CCDC78: variants seen among roughly 807,000 people sequenced by gnomAD.
The protein encoded by CCDC78 is coiled-coil domain containing 78, also known as coiled-coil domain-containing protein 78.
A neutral mutation model predicts 61.9 loss-of-function variants in CCDC78; 78 were observed. The ratio of observed to expected loss-of-function variants is 1.26; its 90% confidence interval spans 1.05 to 1.52. The LOEUF is 1.52. Among genes scored for constraint, CCDC78 ranks in the 40% most tolerant of loss-of-function variants. CCDC78 has a pLI of 0.00. For missense variants in CCDC78, 737 were observed against 615.5 expected, an observed-to-expected ratio of 1.20 and a Z score of -2.09; for synonymous variants, 287 against 251.9, an observed-to-expected ratio of 1.14 and a Z score of -1.32.
rs376853602 is a variant in CCDC78 at position 726,183 on chromosome 16, G to C, written c.61-98C>G. 38 of 1,550,414 alleles carry C rather than the reference G, an allele frequency of 2.5e-5. 1 individual carries two copies. In the African/African-American group the frequency reaches 3.7e-4, roughly 15 times the overall value. On this transcript the variant is annotated intron_variant, in intron 1 of 13. Coordinates refer to ENST00000345165, the MANE Select transcript of CCDC78 (RefSeq NM_001378030.1). ...CAGTCCCGCCTCCCTGCCTGGCTGA[G>C]CTGTAAAAGTCCCTCTCCTGGCTGA...
rs894597785 is a variant in CCDC78, at chr16:723,033, G to T, written c.1201-11C>A. ...CCGTTCCAGCTCTGCCTGGCATGGGGATGTAAGCCATGAGCTGGGGCATGG... is the reference window on the plus strand; with the variant it reads ...CCGTTCCAGCTCTGCCTGGCATGGGTATGTAAGCCATGAGCTGGGGCATGG... On this transcript the variant is annotated splice_polypyrimidine_tract_variant and intron_variant, in intron 12 of 13. Transcript: ENST00000345165. 3.7e-6 allele frequency: 6 copies of T among 1,612,450 alleles called. 1 individual carries two copies. The highest frequency in any genetic ancestry group is 1.7e-5 in the Admixed American group (1 of 60,006).
In CCDC78 at chr16:722,813, GT is replaced by G. The variant is rs560848393; in HGVS notation, c.1302-25del. 193 of 1,612,084 alleles carry G rather than the reference GT, an allele frequency of 1.2e-4. No individual in the cohort carries two copies. In the African/African-American group the frequency reaches 2.3e-3, roughly 19 times the overall value. On this transcript the variant is annotated intron_variant, in intron 13 of 13. Transcript: ENST00000345165. ...ACCTGCTCAGAGGAACCATGCTTAA[GT>G]GACTTGCCCAGCTGTGGACAGGTCT...
At chr16:725,319 G>A (rs1596628980) in intron 4 of CCDC78, 26 bp from the exon 5 acceptor site, 2 of 1,609,906 alleles carry the variant, frequency 1.2e-6, no homozygotes, top group Non-Finnish European at 1.7e-6. Context: ...GGCAGGGAAA[G>A]CTAAGGGGTG....
Position 726,314 on chromosome 16 carries a change from C to T in CCDC78, c.54G>A (p.Val18=). The change falls in exon 1 of 14, where the codon GTG becomes GTA. Residue 18 remains valine (V), a synonymous_variant. Transcript: ENST00000345165. The part of the protein sequence containing the change: ...GPRPGPPSRR[V]ENVVLRAKDW... ...CAAGTCCCAGAGGACTCACATTCTC[C>T]ACCCGCCGAGAGGGAGGTCCAGGCC... The T allele has an allele frequency of 6.5e-7, 1 of 1,547,990 alleles. No individual in the cohort carries two copies. Among genetic ancestry groups the T allele is most frequent in the Non-Finnish European group, 8.7e-7 (1 of 1,146,704 alleles).
chr16:726,514 C>G, upstream of CCDC78: 1 of 900,658 alleles, frequency 1.1e-6, no homozygotes, highest in Non-Finnish European at 1.6e-6. Context: ...CCACAGGGGC[C>G]GGCCAGACCG....
At position 723,181 on chromosome 16, in the gene CCDC78, G is replaced by A; in HGVS notation, c.1134-20C>T. The A allele has an allele frequency of 6.2e-7, 1 of 1,611,824 alleles. No homozygotes were observed. Among genetic ancestry groups the A allele is most frequent in the Admixed American group, 1.7e-5 (1 of 59,986 alleles). On this transcript the variant is annotated intron_variant, in intron 11 of 13. Coordinates refer to ENST00000345165, the MANE Select transcript of CCDC78 (RefSeq NM_001378030.1). The stretch of plus-strand genomic sequence containing the variant: ...AGGCCCCTGTGAGGGGAGAGGAAAG[G>A]AGGAGTGGTTTTGAGAGCTGGCATG...
chr16:726,637 C>G, upstream of CCDC78: 1 of 527,662 alleles, frequency 1.9e-6, no homozygotes, highest in Non-Finnish European at 3.4e-6. Flanking sequence ...GAACCAGGTG[C>G]GTGAAAGCGC....
chr16:724,246 T>C, intron 9 of CCDC78, 41 bp from the exon 10 acceptor site: 2 of 1,585,982 alleles, frequency 1.3e-6, no homozygotes, highest in Non-Finnish European at 1.7e-6. Context: ...CCACTCCTGC[T>C]GCACACCAAG....
At chr16:725,653 C>T (rs2040832892) in intron 3 of CCDC78, 73 bp from the exon 4 acceptor site, 3 of 1,583,434 alleles carry the variant, frequency 1.9e-6, no homozygotes, top group Admixed American at 1.7e-5. Flanking sequence ...TCACCCGGTG[C>T]ACGCTCAGGG....
At chr16:724,568 C>A (rs567316689) in intron 8 of CCDC78, 59 bp from the exon 9 acceptor site, 1 of 1,558,536 alleles carries the variant, frequency 6.4e-7, no homozygotes, top group Non-Finnish European at 8.6e-7. Flanking sequence ...CAACCATCCC[C>A]CCACCCCAGC....
In CCDC78 at chr16:724,344, C is replaced by A. The variant is rs2040614414; in HGVS notation, c.931G>T (p.Glu311Ter). ...CACCTGTAGGCAACCAGTAGCTCTT[C>A]ATGCCTGCGGCTCAGATCCACCAGC... is the stretch of plus-strand genomic sequence containing the variant. ...KRLVDLSRRH[E>*]ELLVAYRAPG... Residue 311 changes from glutamate to a stop codon, truncating the protein, a stop_gained, in exon 9 of 14, where the codon GAA becomes TAA. Transcript: ENST00000345165. LOFTEE classifies it high-confidence loss of function. The A allele has an allele frequency of 1.9e-6, 3 of 1,612,102 alleles. No homozygotes were observed. The highest frequency in any genetic ancestry group is 3.3e-5 in the Admixed American group (2 of 59,976).
rs764867538 is a variant in CCDC78 at position 726,418 on chromosome 16, G to C, written c.-51C>G. The C allele has an allele frequency of 6.6e-7, 1 of 1,504,118 alleles. No individual in the cohort carries two copies. The highest frequency in any genetic ancestry group is 1.3e-5 in the South Asian group (1 of 79,248). The allele number at this position is 1,504,118 out of a possible 1,614,324, so 93.2% of individuals were successfully genotyped here. A position where few individuals can be genotyped will look rare whatever the true frequency, so the allele number is the denominator to read the frequency against. Reference sequence around the variant, plus strand: ...GAGCCCGGTGCTGCCTCCACGCCCGGCTTCCCCATGGCTGCTGCTGCCACT... The same window carrying C: ...GAGCCCGGTGCTGCCTCCACGCCCGCCTTCCCCATGGCTGCTGCTGCCACT... On this transcript the variant is annotated 5_prime_UTR_variant, in exon 1 of 14. Transcript: ENST00000345165.
chr16:723,133 T>C lies in CCDC78; in HGVS notation c.1162A>G (p.Ile388Val). ...QGLDAASWAQ[I>V]HQKLRDFSRS... The stretch of plus-strand genomic sequence containing the variant: ...GAGAAGTCCCGGAGCTTCTGGTGGA[T>C]CTGGGCCCAGGATGCAGCGTCCAGG... The change falls in exon 12 of 14, where the codon ATC becomes GTC. Residue 388 changes from isoleucine to valine, a missense_variant. Ile to Val is a conservative substitution (Grantham distance 29). Transcript: ENST00000345165. The C allele has an allele frequency of 6.2e-7, 1 of 1,612,642 alleles. No homozygotes were observed. The highest frequency in any genetic ancestry group is 1.3e-5 in the African/African-American group (1 of 75,044).
In CCDC78 at chr16:724,348, C is replaced by T. The variant is rs376047604; in HGVS notation, c.927G>A (p.Arg309=). ...YHKRLVDLSR[R]HEELLVAYRA... ...TGTAGGCAACCAGTAGCTCTTCATG[C>T]CTGCGGCTCAGATCCACCAGCCTCT... is the stretch of plus-strand genomic sequence containing the variant. The change falls in exon 9 of 14, where the codon AGG becomes AGA. Residue 309 remains arginine (R), a synonymous_variant. Transcript: ENST00000345165. The T allele has an allele frequency of 2.3e-4, 366 of 1,612,132 alleles. 2 individuals are homozygous for T. The highest frequency in any genetic ancestry group is 2.9e-4 in the Non-Finnish European group (347 of 1,179,780).
Position 725,579 on chromosome 16 carries a change from A to G in CCDC78, c.269T>C (p.Ile90Thr), listed in dbSNP as rs1289249699. 7 of 1,606,882 alleles carry G rather than the reference A, an allele frequency of 4.4e-6. No homozygotes were observed. The African/African-American group carries it at 9.4e-5, about 21-fold the overall frequency. ...CAGTACCCGGCTCTCCAGCCGAAGG[A>G]TCTGTGGGACAACTGGCATGAGCAG... is the stretch of plus-strand genomic sequence containing the variant. ...EAEIFQLKSE[I>T]LRLESRVLEL... The change falls in exon 4 of 14, where the codon ATC (isoleucine) becomes ACC (threonine). Residue 90 changes from isoleucine (I) to threonine (T), a missense_variant and splice_region_variant. Coordinates refer to ENST00000345165, the MANE Select transcript of CCDC78 (RefSeq NM_001378030.1).
chr16:724,994 A>G lies in CCDC78; in HGVS notation c.561-5T>C, dbSNP rs1392978640. The G allele has an allele frequency of 6.2e-7, 1 of 1,612,154 alleles. No individual in the cohort carries two copies. On this transcript the variant is annotated splice_polypyrimidine_tract_variant and splice_region_variant and intron_variant, in intron 6 of 13. Transcript: ENST00000345165. Reference sequence around the variant, plus strand: ...AGCTGCCGGCCCAGGGTTGCCCTGAAGACACGGGGGTGAGGCTCAGCAGGC... The same window carrying G: ...AGCTGCCGGCCCAGGGTTGCCCTGAGGACACGGGGGTGAGGCTCAGCAGGC...
chr16:723,257 A>T, intron 11 of CCDC78, 96 bp from the exon 12 acceptor site: 1 of 1,329,570 alleles, frequency 7.5e-7, no homozygotes, highest in East Asian at 2.5e-5. Flanking sequence ...CAGAGCCGGG[A>T]GGGGACACCT....
chr16:724,187 T>C lies in CCDC78; in HGVS notation c.972A>G (p.Gln324=), dbSNP rs1471370381. 4 of 1,600,760 alleles carry C rather than the reference T, an allele frequency of 2.5e-6. No individual in the cohort carries two copies. The highest frequency in any genetic ancestry group is 3.4e-6 in the Non-Finnish European group (4 of 1,173,422). Residue 324 remains glutamine, a synonymous_variant, in exon 10 of 14, where the codon CAA becomes CAG. Transcript: ENST00000345165. ...CCAAGCTGGCTATGTCAAAAATAGC[T>C]TGGGGGTTCCCAGGTGCCCTGTCAG... ...LVAYRAPGNP[Q]AIFDIASLDL... is the part of the protein sequence containing the mutation.
intron 13 of CCDC78, 62 bp from the exon 14 acceptor site, chr16:722,851 C>T: frequency 6.2e-7 from 1 of 1,607,958 alleles, no homozygotes; most frequent in South Asian, 1.1e-5. Flanking sequence ...CTTTTAGCGC[C>T]TGAGGCAGCC....
Sources: gnomAD v4.1 joint callset for allele counts on GRCh38, gnomAD v4.1.1 for gene constraint, MANE v1.5 for transcripts, NCBI Gene and HGNC (gene_info 2026-07-23, HGNC 2026-07-21) for gene names.